Variants in NCKAP5 observed in about 807,000 individuals in gnomAD.
NCKAP5 encodes NCK associated protein 5.
In NCKAP5, 92 loss-of-function variants were observed where a neutral mutation model predicts 167.0. That is an observed-to-expected ratio of 0.55 (90% CI 0.47 to 0.66). The LOEUF is 0.66. Among genes scored for constraint, NCKAP5 ranks in the 30% least tolerant of loss-of-function variants. NCKAP5 has a pLI of 0.00. For synonymous variants in NCKAP5, 891 were observed against 877.4 expected (o/e 1.02, Z -0.27); for missense variants, 2,378 against 2,315.0 (o/e 1.03, Z -0.56).
At chr2:133,520,990 C>A (rs1220318299) in intron 2 of NCKAP5, among the ~76,000 whole-genome samples, 2 of 152,136 alleles carry the variant, frequency 1.3e-5, no homozygotes, top group Admixed American at 6.5e-5. Flanking sequence ...ATAAAACAAT[C>A]ATGGAAAGGT....
the NCKAP5 span, among the ~76,000 whole-genome samples, chr2:133,640,247 T>C: frequency 6.6e-6 from 1 of 152,202 alleles, no homozygotes; most frequent in Non-Finnish European, 1.5e-5. Flanking sequence ...TATATTATTC[T>C]ATACACTTTT....
intron 3 of NCKAP5, among the ~76,000 whole-genome samples, chr2:133,514,706 C>G (rs147239014): frequency 1.3e-5 from 2 of 151,964 alleles, no homozygotes; most frequent in African/African-American, 2.4e-5. Context: ...GACTTAAGAA[C>G]GTAATATGTT....
intron 11 of NCKAP5, among the ~76,000 whole-genome samples, chr2:132,824,423 C>T (rs1015548909): frequency 2.0e-5 from 3 of 152,206 alleles, no homozygotes; most frequent in African/African-American, 7.2e-5. Flanking sequence ...TCTGTCCCTC[C>T]TTTATCAGGT....
intron 8 of NCKAP5, among the ~76,000 whole-genome samples, chr2:132,957,484 C>T (rs1246468144): frequency 1.3e-5 from 2 of 152,136 alleles, no homozygotes; most frequent in East Asian, 3.9e-4. Flanking sequence ...TCACTTTCCT[C>T]ATCTGTAAAA....
chr2:133,163,684 G>A (rs1397829885), intron 5 of NCKAP5, among the ~76,000 whole-genome samples: 27 of 152,118 alleles, frequency 1.8e-4, no homozygotes, highest in Admixed American at 1.8e-3. Flanking sequence ...GTGAGGAACA[G>A]AGCTTAGTTT....
chr2:132,880,045 A>G (rs1177431330), intron 8 of NCKAP5, among the ~76,000 whole-genome samples: 2 of 152,218 alleles, frequency 1.3e-5, no homozygotes, highest in East Asian at 3.8e-4. Flanking sequence ...TAATCTATGC[A>G]CACAAAGACA....
At chr2:133,161,163 T>C (rs1183313422) in intron 5 of NCKAP5, among the ~76,000 whole-genome samples, 1 of 152,220 alleles carries the variant, frequency 6.6e-6, no homozygotes, top group Non-Finnish European at 1.5e-5. Context: ...CCTGATGATC[T>C]GAGGTGAAAC....
At chr2:132,789,976 C>T in intron 13 of NCKAP5, 47 bp downstream of exon 13, 1 of 1,541,732 alleles carries the variant, frequency 6.5e-7, no homozygotes, top group Middle Eastern at 1.7e-4. Context: ...CAAATCCTAC[C>T]AGAAGAGGAT....
rs925964086 is a variant in NCKAP5 at position 133,373,831 on chromosome 2, G to A, written c.70-70721C>T. The stretch of plus-strand genomic sequence containing the variant: ...AAGGAAATACAACGGAGAAAAGATA[G>A]TCTTTCCAGTAAATGGTGCTGGAAC... On this transcript the variant is annotated intron_variant, in intron 3 of 19. Transcript: ENST00000409261. 2.6e-5 allele frequency among the ~76,000 whole-genome samples: 4 copies of A among 152,340 alleles called. No individual in the cohort carries two copies. In the East Asian group the frequency reaches 5.8e-4, roughly 22 times the overall value.
At chr2:132,964,025 G>A (rs2076592624) in intron 7 of NCKAP5, among the ~76,000 whole-genome samples, 156 bp from the exon 8 acceptor site, 1 of 152,290 alleles carries the variant, frequency 6.6e-6, no homozygotes, top group South Asian at 2.1e-4. Flanking sequence ...TTTAAAAAAT[G>A]AAGTAGATAT....
intron 4 of NCKAP5, among the ~76,000 whole-genome samples, chr2:133,288,764 C>T (rs566017723): frequency 1.3e-5 from 2 of 152,264 alleles, no homozygotes; most frequent in African/African-American, 2.4e-5. Context: ...AGAGTTAGTG[C>T]ATAAAGAAAG....
At chr2:132,958,377 C>A (rs1573548503) in intron 8 of NCKAP5, among the ~76,000 whole-genome samples, 1 of 152,122 alleles carries the variant, frequency 6.6e-6, no homozygotes, top group Non-Finnish European at 1.5e-5. Flanking sequence ...AAAACAACAA[C>A]AAAAAATACC....
intron 5 of NCKAP5, among the ~76,000 whole-genome samples, chr2:133,155,325 CAG>C (rs1417455828): frequency 6.6e-6 from 1 of 152,190 alleles, no homozygotes; most frequent in Non-Finnish European, 1.5e-5. Context: ...GGCCTGTTAA[CAG>C]AGATTGCTGG....
At chr2:132,847,404 T>G (rs560307861) in intron 11 of NCKAP5, among the ~76,000 whole-genome samples, 1 of 152,270 alleles carries the variant, frequency 6.6e-6, no homozygotes, top group East Asian at 1.9e-4. Flanking sequence ...AGAGATGAAA[T>G]TACTTGGCAA....
At chr2:133,248,925 T>C (rs1200420039) in intron 4 of NCKAP5, among the ~76,000 whole-genome samples, 1 of 152,230 alleles carries the variant, frequency 6.6e-6, no homozygotes, top group Non-Finnish European at 1.5e-5. Flanking sequence ...TACTCAGTTT[T>C]AAATTGGCAG....
At chr2:133,336,161 A>G (rs1483602679) in intron 3 of NCKAP5, among the ~76,000 whole-genome samples, 1 of 152,152 alleles carries the variant, frequency 6.6e-6, no homozygotes, top group Non-Finnish European at 1.5e-5. Flanking sequence ...CAGAGGAAAG[A>G]CAGGTACCAT....
At chr2:132,841,944 T>A (rs1688324036) in intron 11 of NCKAP5, among the ~76,000 whole-genome samples, 1 of 152,160 alleles carries the variant, frequency 6.6e-6, no homozygotes. Context: ...AACTCATAAA[T>A]GATATTTGTC....
At chr2:133,247,746 C>A (rs932568204) in intron 4 of NCKAP5, among the ~76,000 whole-genome samples, 63 of 152,342 alleles carry the variant, frequency 4.1e-4, no homozygotes, top group African/African-American at 1.4e-3. Flanking sequence ...AGTGTACACT[C>A]ACTTCCTGTT....
chr2:133,576,776 T>C, the NCKAP5 span, among the ~76,000 whole-genome samples: 1 of 152,232 alleles, frequency 6.6e-6, no homozygotes, highest in Non-Finnish European at 1.5e-5. Flanking sequence ...CACTAATCTC[T>C]TGGATACAGA....
Sources: gnomAD v4.1 joint callset for allele counts (sites outside exome capture counted in the v4.1 genomes callset) on GRCh38, gnomAD v4.1.1 for gene constraint, MANE v1.5 for transcripts, NCBI Gene and HGNC (gene_info 2026-07-23, HGNC 2026-07-21) for gene names.